The following FAM76A variants were observed in gnomAD, a reference collection of about 807,000 sequenced individuals.
FAM76A encodes protein FAM76A.
In FAM76A, 32 loss-of-function variants were observed where a neutral mutation model predicts 46.2. The observed-to-expected ratio is 0.69, with a 90% CI of 0.52 to 0.93. The LOEUF (loss-of-function observed/expected upper bound fraction) is 0.93, where lower values mean the gene tolerates loss of function less well. Among genes scored for constraint, FAM76A ranks in the 40% least tolerant of loss-of-function variants. FAM76A has a pLI of 0.00. For missense variants in FAM76A, 274 were observed against 361.5 expected (o/e 0.76, Z 1.96); for synonymous variants, 137 against 127.0 (o/e 1.08, Z -0.53).
In FAM76A at chr1:27,740,429, G is replaced by GT. The variant is rs2088131804; in HGVS notation, c.355-4223dup. ...ATGATATGGTGCCAAACATTCACTG[G>GT]TTGAGGACCCAGTTCCCATCTTTGG... On this transcript the variant is annotated intron_variant, in intron 4 of 8. Transcript: ENST00000373954. The GT allele has an allele frequency of 4.1e-6, 6 of 1,470,470 alleles. No homozygotes were observed. In the Admixed American group the frequency reaches 1.0e-4, roughly 25 times the overall value. The allele number at this position is 1,470,470 out of a possible 1,614,324, so 91.1% of individuals were successfully genotyped here.
chr1:27,753,267 T>G (rs1161315704), intron 6 of FAM76A, among the ~76,000 whole-genome samples: 1 of 152,170 alleles, frequency 6.6e-6, no homozygotes, highest in African/African-American at 2.4e-5. Flanking sequence ...TTTATTGGTA[T>G]GGGGGGAATC....
intron 4 of FAM76A, chr1:27,740,643 C>A: frequency 1.7e-6 from 1 of 574,562 alleles, no homozygotes; most frequent in South Asian, 2.1e-5. Flanking sequence ...CACAAGGAGC[C>A]CAATGTTGCT....
chr1:27,752,606 G>A (rs1021486934), intron 6 of FAM76A, among the ~76,000 whole-genome samples: 10 of 151,984 alleles, frequency 6.6e-5, no homozygotes, highest in Non-Finnish European at 1.0e-4. Flanking sequence ...TTTATTCTCC[G>A]TCTGAAATGT....
chr1:27,748,010 G>A (rs2088267865), intron 5 of FAM76A, among the ~76,000 whole-genome samples: 2 of 151,706 alleles, frequency 1.3e-5, no homozygotes, highest in Admixed American at 6.6e-5. Context: ...CTAGCTATAT[G>A]TGTCTTGGTA....
In FAM76A at chr1:27,749,651, C is replaced by T. The variant is rs116108821; in HGVS notation, c.599+497C>T. Among the ~76,000 whole-genome samples, 685 of 152,250 alleles carry T rather than the reference C, an allele frequency of 4.5e-3. 10 individuals are homozygous for T. Among genetic ancestry groups the T allele is most frequent in the African/African-American group, 0.016 (653 of 41,542 alleles). ...GATTACAGGCATGAGCCACCTTGCC[C>T]AGCTTCCCCTACACTAATTCTAAGA... On this transcript the variant is annotated intron_variant, in intron 6 of 8. Coordinates refer to ENST00000373954, the MANE Select transcript of FAM76A (RefSeq NM_152660.3).
At chr1:27,741,054 C>G (rs1014487945) in intron 4 of FAM76A, among the ~76,000 whole-genome samples, 6 of 151,682 alleles carry the variant, frequency 4.0e-5, no homozygotes, top group African/African-American at 1.5e-4. Context: ...ATTGCTTGAA[C>G]CTGGGAGGCG....
chr1:27,736,244 C>T (rs1354418931), intron 4 of FAM76A, among the ~76,000 whole-genome samples: 4 of 152,096 alleles, frequency 2.6e-5, no homozygotes. Context: ...ATCACTTGAA[C>T]CTGAGAGGCA....
At chr1:27,760,432 C>A (rs2088484800) in intron 8 of FAM76A, 63 bp from the exon 9 acceptor site, 1 of 1,375,382 alleles carries the variant, frequency 7.3e-7, no homozygotes, top group Admixed American at 2.0e-5. Flanking sequence ...ACTTACTCTG[C>A]ATGAAAAATA....
In FAM76A at chr1:27,726,045, G is replaced by A; in HGVS notation, c.-36G>A. ...AGACTGTCAGATAAATCGGCGGGCCGGGCCGGCGGGTCGGTGAGCGCGGCC... is the reference window on the plus strand; with the variant it reads ...AGACTGTCAGATAAATCGGCGGGCCAGGCCGGCGGGTCGGTGAGCGCGGCC... On this transcript the variant is annotated 5_prime_UTR_variant, in exon 1 of 9. Transcript: ENST00000373954. 7 of 1,233,432 alleles carry A rather than the reference G, an allele frequency of 5.7e-6. No homozygotes were observed. The highest frequency in any genetic ancestry group is 7.1e-6 in the Non-Finnish European group (7 of 988,582). 76.4% of individuals were successfully genotyped at this position (1,233,432 alleles called of 1,614,324 possible).
In FAM76A at chr1:27,749,056, TGCCA is replaced by T; in HGVS notation, c.513-11_513-8del. The T allele has an allele frequency of 6.4e-7, 1 of 1,559,112 alleles. No homozygotes were observed. Among genetic ancestry groups the T allele is most frequent in the South Asian group, 1.2e-5 (1 of 84,714 alleles). On this transcript the variant is annotated splice_polypyrimidine_tract_variant and splice_region_variant and intron_variant, in intron 5 of 8. Transcript: ENST00000373954. ...TTTCTAATGTGTGTCTCTCTATTTT[TGCCA>T]TTAAAAGCCAGAAAACACTTTCTAC...
At chr1:27,746,444 T>C (rs1446552888) in intron 5 of FAM76A, among the ~76,000 whole-genome samples, 5 of 152,088 alleles carry the variant, frequency 3.3e-5, no homozygotes, top group South Asian at 4.1e-4. Context: ...AGAATCTAGC[T>C]GGGCGCGGTG....
At chr1:27,727,164 A>G (rs1191578339) in intron 1 of FAM76A, among the ~76,000 whole-genome samples, 1 of 152,218 alleles carries the variant, frequency 6.6e-6, no homozygotes, top group Non-Finnish European at 1.5e-5. Context: ...GCAAAATCAC[A>G]CAGTGGCAGA....
chr1:27,738,242 A>T (rs1273575379), intron 4 of FAM76A, among the ~76,000 whole-genome samples: 1 of 152,104 alleles, frequency 6.6e-6, no homozygotes, highest in African/African-American at 2.4e-5. Flanking sequence ...CTGTAATCCC[A>T]GCACTTTAGA....
intron 4 of FAM76A, 118 bp from the exon 5 acceptor site, chr1:27,744,536 G>A: frequency 1.9e-6 from 2 of 1,068,262 alleles, no homozygotes; most frequent in Non-Finnish European, 2.8e-6. Flanking sequence ...CATGCCCAAA[G>A]TCACAGCACA....
At chr1:27,733,755 A>C (rs2087997394) in intron 3 of FAM76A, among the ~76,000 whole-genome samples, 1 of 152,114 alleles carries the variant, frequency 6.6e-6, no homozygotes, top group Admixed American at 6.6e-5. Flanking sequence ...AGGCTGAGGC[A>C]GGAAGAATTG....
intron 7 of FAM76A, among the ~76,000 whole-genome samples, chr1:27,757,743 A>G (rs558377738): frequency 2.0e-5 from 3 of 152,146 alleles, no homozygotes; most frequent in East Asian, 2.0e-4. Flanking sequence ...TTGGGAGGCC[A>G]AGGCGGGTGG....
At chr1:27,734,362 A>G (rs1467358232) in intron 4 of FAM76A, among the ~76,000 whole-genome samples, 179 bp downstream of exon 4, 1 of 152,110 alleles carries the variant, frequency 6.6e-6, no homozygotes, top group African/African-American at 2.4e-5. Flanking sequence ...CGTGGCTAAC[A>G]TGGTGAAACC....
At chr1:27,751,110 G>T (rs1040117190) in intron 6 of FAM76A, among the ~76,000 whole-genome samples, 3 of 151,984 alleles carry the variant, frequency 2.0e-5, no homozygotes, top group Non-Finnish European at 4.4e-5. Context: ...CCATGATTGC[G>T]CCACTGCAGT....
rs1334446832 is a variant in FAM76A at position 27,760,946 on chromosome 1, G to GGT, written c.*365_*366insGT. 3.0e-5 allele frequency: 1 copy of GGT among 33,288 alleles called. No homozygotes were observed. Among genetic ancestry groups the GGT allele is most frequent in the African/African-American group, 1.1e-4 (1 of 8,888 alleles). 2.1% of individuals were successfully genotyped at this position (33,288 alleles called of 1,614,324 possible). A position where few individuals can be genotyped will look rare whatever the true frequency, so the allele number is the denominator to read the frequency against. ...TAATGTGCAGAATGATTTGTTTTTTGTTTTTTTTTTTTTTTTTGGTCCTTC... is the reference window on the plus strand; with the variant it reads ...TAATGTGCAGAATGATTTGTTTTTTGGTTTTTTTTTTTTTTTTTTGGTCCTTC... On this transcript the variant is annotated 3_prime_UTR_variant, in exon 9 of 9. Coordinates refer to ENST00000373954, the MANE Select transcript of FAM76A (RefSeq NM_152660.3).
Sources: gnomAD v4.1 joint callset for allele counts (sites outside exome capture counted in the v4.1 genomes callset) on GRCh38, gnomAD v4.1.1 for gene constraint, MANE v1.5 for transcripts, NCBI Gene and HGNC (gene_info 2026-07-23, HGNC 2026-07-21) for gene names.